KCNN2: variants seen among roughly 807,000 people sequenced by gnomAD.
The protein encoded by KCNN2 is small conductance calcium-activated potassium channel protein 2.
Under a neutral mutation model 55.5 loss-of-function variants are expected in KCNN2, and 24 were observed. The ratio of observed to expected loss-of-function variants is 0.43; its 90% confidence interval spans 0.31 to 0.61. The LOEUF (loss-of-function observed/expected upper bound fraction) is 0.61. Ranked by LOEUF, KCNN2 falls within the 20% of genes least tolerant of loss-of-function variation. The pLI is 0.08. For synonymous variants in KCNN2, 431 were observed against 336.1 expected, an observed-to-expected ratio of 1.28 and a Z score of -3.09; for missense variants, 754 against 853.6, an observed-to-expected ratio of 0.88 and a Z score of 1.45.
chr5:114,207,263 G>A (rs1052935463), intron 1 of KCNN2, among the ~76,000 whole-genome samples: 3 of 152,156 alleles, frequency 2.0e-5, no homozygotes, highest in Admixed American at 6.5e-5. Context: ...TCCCCTGACA[G>A]TGTCTCTAGA....
At chr5:114,092,519 A>G (rs984447647) in intron 1 of KCNN2, among the ~76,000 whole-genome samples, 1 of 152,124 alleles carries the variant, frequency 6.6e-6, no homozygotes, top group African/African-American at 2.4e-5. Flanking sequence ...TCACAGATCT[A>G]CTAGGCAGTG....
chr5:114,162,462 AG>A (rs1303992210), intron 1 of KCNN2, among the ~76,000 whole-genome samples: 5 of 152,136 alleles, frequency 3.3e-5, no homozygotes, highest in Non-Finnish European at 5.9e-5. Context: ...GACCCACTTG[AG>A]GAGGCAGTCT....
At chr5:114,419,108 T>A (rs1405638205) in intron 3 of KCNN2, among the ~76,000 whole-genome samples, 4 of 152,248 alleles carry the variant, frequency 2.6e-5, no homozygotes, top group Non-Finnish European at 5.9e-5. Flanking sequence ...TTGATAATGT[T>A]TTGAAGGGAA....
At chr5:114,477,519 T>C (rs1193941906) in intron 5 of KCNN2, among the ~76,000 whole-genome samples, 3 of 152,116 alleles carry the variant, frequency 2.0e-5, no homozygotes, top group African/African-American at 7.2e-5. Flanking sequence ...GGCCGACAGG[T>C]ACATGTGTCC....
In KCNN2 at chr5:114,462,996, C is replaced by G. The variant is rs1761277721; in HGVS notation, c.1638-53C>G. On this transcript the variant is annotated intron_variant, in intron 3 of 7. Coordinates refer to ENST00000673685, the MANE Select transcript of KCNN2 (RefSeq NM_021614.4). ...TTGAATTGAACCAAACCACACTTAA[C>G]TATCATATTGGAGATTAATTATAAA... The G allele has an allele frequency of 1.9e-6, 3 of 1,540,538 alleles. No homozygotes were observed. In the South Asian group the frequency reaches 3.6e-5, roughly 18 times the overall value.
rs114615217 is a variant in KCNN2 at position 114,299,478 on chromosome 5, A to T, written c.-184-61467A>T. ...CAAATATAAAAGGTAAAGAGCTTAAACACAATTCTCAGAGTTCTCTTTTTC... is the reference window on the plus strand; with the variant it reads ...CAAATATAAAAGGTAAAGAGCTTAATCACAATTCTCAGAGTTCTCTTTTTC... On this transcript the variant is annotated intron_variant, in intron 2 of 10. Transcript: ENST00000512097. Among the ~76,000 whole-genome samples the T allele has an allele frequency of 6.7e-3, 1,022 of 152,312 alleles. 5 individuals carry two copies. Among genetic ancestry groups the T allele is most frequent in the Non-Finnish European group, 0.011 (750 of 68,028 alleles).
chr5:114,332,490 AGCTGGGAATAGATTATGAACTG>A (rs1318909702), intron 2 of KCNN2, among the ~76,000 whole-genome samples: 1 of 152,266 alleles, frequency 6.6e-6, no homozygotes, highest in Non-Finnish European at 1.5e-5. Context: ...TGGTCAACAA[AGCTGGGAATAGATTATGAACTG>A]GCTTAACTAT....
chr5:114,140,423 TTGACA>T (rs1242173319), intron 1 of KCNN2, among the ~76,000 whole-genome samples: 1 of 152,186 alleles, frequency 6.6e-6, no homozygotes, highest in African/African-American at 2.4e-5. Context: ...GAAGGATACT[TTGACA>T]TAAAAGCAAT....
At chr5:114,191,955 C>G (rs1197857878) in intron 1 of KCNN2, among the ~76,000 whole-genome samples, 2 of 152,130 alleles carry the variant, frequency 1.3e-5, no homozygotes, top group East Asian at 3.9e-4. Context: ...CAGGAACAGA[C>G]TCACATTTAA....
chr5:114,345,581 G>C (rs1390741345), intron 2 of KCNN2, among the ~76,000 whole-genome samples: 2 of 152,110 alleles, frequency 1.3e-5, no homozygotes, highest in African/African-American at 4.8e-5. Flanking sequence ...GAAAGAGTTG[G>C]GGGGCAGAAA....
chr5:114,071,142 G>T (rs907777287), intron 1 of KCNN2, among the ~76,000 whole-genome samples: 2 of 152,288 alleles, frequency 1.3e-5, no homozygotes, highest in South Asian at 2.1e-4. Context: ...AAAGAAGGAA[G>T]AATTTTTATT....
chr5:114,434,637 G>A (rs371645661), intron 3 of KCNN2, among the ~76,000 whole-genome samples: 1 of 152,168 alleles, frequency 6.6e-6, no homozygotes, highest in Non-Finnish European at 1.5e-5. Context: ...GTAGTGGTTA[G>A]CTGTGAGAAG....
intron 3 of KCNN2, among the ~76,000 whole-genome samples, chr5:114,441,186 TATATA>T (rs766625211): frequency 6.6e-6 from 1 of 152,170 alleles, no homozygotes; most frequent in African/African-American, 2.4e-5. Flanking sequence ...AGCCTCAAAA[TATATA>T]AAATAAAACA....
intron 2 of KCNN2, among the ~76,000 whole-genome samples, chr5:114,235,877 A>G (rs1407810228): frequency 1.3e-5 from 2 of 152,236 alleles, no homozygotes; most frequent in Non-Finnish European, 2.9e-5. Context: ...GAAACTGAGT[A>G]TGAAAACGGC....
intron 1 of KCNN2, among the ~76,000 whole-genome samples, chr5:114,207,681 C>A (rs1213716824): frequency 6.6e-6 from 1 of 152,174 alleles, no homozygotes; most frequent in South Asian, 2.1e-4. Context: ...CTGCATCTGT[C>A]TCAGAATTAC....
chr5:114,401,101 C>T (rs1189639823), intron 2 of KCNN2, among the ~76,000 whole-genome samples: 1 of 151,022 alleles, frequency 6.6e-6, no homozygotes, highest in Non-Finnish European at 1.5e-5. Context: ...GTATTTAGTA[C>T]ACTGGATAAG....
chr5:114,435,737 T>C (rs986097639), intron 3 of KCNN2, among the ~76,000 whole-genome samples: 3 of 152,210 alleles, frequency 2.0e-5, no homozygotes, highest in Non-Finnish European at 2.9e-5. Context: ...TTCTACATCA[T>C]GAGTAAATGT....
At chr5:114,468,070 T>C (rs1226852561) in intron 4 of KCNN2, among the ~76,000 whole-genome samples, 1 of 152,158 alleles carries the variant, frequency 6.6e-6, no homozygotes, top group African/African-American at 2.4e-5. Flanking sequence ...CACTCTCCCC[T>C]CTTTTCTTAC....
intron 3 of KCNN2, among the ~76,000 whole-genome samples, chr5:114,451,664 A>T (rs904940940): frequency 1.3e-5 from 2 of 152,168 alleles, no homozygotes; most frequent in Non-Finnish European, 2.9e-5. Context: ...TGGGAGGCCA[A>T]GGCGGGCGGA....
Sources: gnomAD v4.1 joint callset for allele counts (sites outside exome capture counted in the v4.1 genomes callset) on GRCh38, gnomAD v4.1.1 for gene constraint, MANE v1.5 for transcripts, NCBI Gene and HGNC (gene_info 2026-07-23, HGNC 2026-07-21) for gene names.